EVI5: variants seen among roughly 807,000 people sequenced by gnomAD.
The protein encoded by EVI5 is ecotropic viral integration site 5, also known as ecotropic viral integration site 5 protein homolog.
Under a neutral mutation model 112.0 loss-of-function variants are expected in EVI5, and 73 were observed. That is an observed-to-expected ratio of 0.65 (90% CI 0.54 to 0.79). The LOEUF is 0.79. Ranked by LOEUF, EVI5 falls within the 30% of genes least tolerant of loss-of-function variation. The pLI is 0.00. For synonymous variants in EVI5, 305 were observed against 319.9 expected, an observed-to-expected ratio of 0.95 and a Z score of 0.50; for missense variants, 900 against 968.8, an observed-to-expected ratio of 0.93 and a Z score of 0.94.
intron 2 of EVI5, among the ~76,000 whole-genome samples, chr1:92,728,072 C>T (rs1423661953): frequency 6.7e-6 from 1 of 150,342 alleles, no homozygotes; most frequent in African/African-American, 2.4e-5. Context: ...GATGTTAACA[C>T]TATTCAAAAG....
At chr1:92,626,485 T>C (rs867410553) in intron 14 of EVI5, among the ~76,000 whole-genome samples, 1 of 152,208 alleles carries the variant, frequency 6.6e-6, no homozygotes, top group African/African-American at 2.4e-5. Context: ...GCTATGAACA[T>C]TGGTGCAAAA....
intron 2 of EVI5, among the ~76,000 whole-genome samples, chr1:92,730,001 T>C (rs2102760936): frequency 6.6e-6 from 1 of 152,026 alleles, no homozygotes; most frequent in Non-Finnish European, 1.5e-5. Context: ...TTAATGATCA[T>C]TTCAGTAGAG....
chr1:92,534,411 AAAT>A (rs1663446807), intron 19 of EVI5, among the ~76,000 whole-genome samples: 1 of 152,226 alleles, frequency 6.6e-6, no homozygotes, highest in African/African-American at 2.4e-5. Context: ...GACTTTCTTC[AAAT>A]AATTGGAAAA....
At chr1:92,781,230 G>C (rs1211821046) in intron 1 of EVI5, among the ~76,000 whole-genome samples, 1 of 152,050 alleles carries the variant, frequency 6.6e-6, no homozygotes, top group African/African-American at 2.4e-5. Flanking sequence ...GTAGGGGATG[G>C]GTACAGTGGC....
Position 92,606,918 on chromosome 1 carries a change from ACACACCCC to A in EVI5, c.1974+655_1974+662del, listed in dbSNP as rs775034985. On this transcript the variant is annotated intron_variant, in intron 17 of 19. Transcript: ENST00000684568. ...CACACACACACACACACACACACAC[ACACACCCC>A]CCCAAACCCTCCCTCCTCTCCTTCC... Among the ~76,000 whole-genome samples, 430 of 101,904 alleles carry A rather than the reference ACACACCCC, an allele frequency of 4.2e-3. 2 individuals are homozygous for A. The highest frequency in any genetic ancestry group is 5.6e-3 in the African/African-American group (166 of 29,828). 66.9% of individuals were successfully genotyped at this position (101,904 alleles called of 152,430 possible).
intron 13 of EVI5, among the ~76,000 whole-genome samples, chr1:92,638,342 C>T (rs1013369325): frequency 1.3e-5 from 2 of 152,096 alleles, no homozygotes; most frequent in South Asian, 4.1e-4. Context: ...GCTTTTTATA[C>T]TCTAAAACAT....
intron 1 of EVI5, among the ~76,000 whole-genome samples, chr1:92,748,867 C>A (rs1454418644): frequency 6.6e-6 from 1 of 151,846 alleles, no homozygotes; most frequent in Non-Finnish European, 1.5e-5. Flanking sequence ...GGGAGTTTGA[C>A]ACCAGCCTGA....
rs563615943 is a variant in EVI5, at chr1:92,767,136, G to T, written c.-82+17700C>A. On this transcript the variant is annotated intron_variant, in intron 1 of 19. Coordinates refer to ENST00000684568, the MANE Select transcript of EVI5 (RefSeq NM_001350197.2). Reference sequence around the variant, plus strand: ...ATCAATTCTAAATTATATGCCATCTGCCCTGTTCCACCTGGGACATGAACC... The same window carrying T: ...ATCAATTCTAAATTATATGCCATCTTCCCTGTTCCACCTGGGACATGAACC... Among the ~76,000 whole-genome samples, 271 of 150,268 alleles carry T rather than the reference G, an allele frequency of 1.8e-3. 1 individual carries two copies. The highest frequency in any genetic ancestry group is 3.3e-3 in the Non-Finnish European group (227 of 67,840).
intron 18 of EVI5, among the ~76,000 whole-genome samples, chr1:92,571,087 A>C (rs891299150): frequency 6.6e-6 from 1 of 151,734 alleles, no homozygotes; most frequent in Non-Finnish European, 1.5e-5. Context: ...AATTTAATAA[A>C]GCTTAATGTT....
At chr1:92,553,421 G>A (rs1172793515) in intron 19 of EVI5, among the ~76,000 whole-genome samples, 5 of 149,752 alleles carry the variant, frequency 3.3e-5, no homozygotes, top group African/African-American at 1.2e-4. Context: ...TCCTGCCTCA[G>A]CCTCTCCAGT....
intron 18 of EVI5, among the ~76,000 whole-genome samples, chr1:92,599,941 T>G (rs1326927233): frequency 6.6e-6 from 1 of 152,088 alleles, no homozygotes; most frequent in Non-Finnish European, 1.5e-5. Flanking sequence ...GTCAATGAAA[T>G]TTCTATGTTT....
intron 13 of EVI5, among the ~76,000 whole-genome samples, chr1:92,636,720 A>G (rs1354415010): frequency 6.6e-6 from 1 of 152,234 alleles, no homozygotes; most frequent in Non-Finnish European, 1.5e-5. Context: ...TGAACACTTG[A>G]AATGTGGCTA....
At chr1:92,527,195 A>C (rs1662024619) in intron 19 of EVI5, among the ~76,000 whole-genome samples, 1 of 152,054 alleles carries the variant, frequency 6.6e-6, no homozygotes, top group Non-Finnish European at 1.5e-5. Flanking sequence ...CAGGTGGATC[A>C]CTTGAAGTCA....
chr1:92,534,146 CAGAG>C (rs1419051585), intron 19 of EVI5, among the ~76,000 whole-genome samples: 3 of 152,106 alleles, frequency 2.0e-5, no homozygotes, highest in African/African-American at 7.2e-5. Context: ...AACAGACAAA[CAGAG>C]AGCCAAATCA....
chr1:92,645,462 C>T (rs1660761363), intron 13 of EVI5, among the ~76,000 whole-genome samples: 1 of 151,844 alleles, frequency 6.6e-6, no homozygotes, highest in Non-Finnish European at 1.5e-5. Flanking sequence ...GGGAAAGTCA[C>T]TGTCATTAGC....
intron 1 of EVI5, among the ~76,000 whole-genome samples, chr1:92,782,529 A>C (rs554273044): frequency 6.6e-6 from 1 of 152,338 alleles, no homozygotes; most frequent in Non-Finnish European, 1.5e-5. Flanking sequence ...CCTCAGTACC[A>C]GGAAAATGCA....
At chr1:92,585,194 G>C (rs968796603) in intron 18 of EVI5, among the ~76,000 whole-genome samples, 1 of 144,696 alleles carries the variant, frequency 6.9e-6, no homozygotes, top group Non-Finnish European at 1.5e-5. Context: ...TTGCACTCTA[G>C]CCTAAGAGAC....
intron 1 of EVI5, among the ~76,000 whole-genome samples, chr1:92,783,253 C>T (rs1290028064): frequency 2.6e-5 from 4 of 151,922 alleles, no homozygotes; most frequent in Non-Finnish European, 5.9e-5. Flanking sequence ...GGGCCAGGTG[C>T]GCTGGCTCAC....
intron 1 of EVI5, among the ~76,000 whole-genome samples, chr1:92,742,760 T>A (rs1442377050): frequency 6.6e-6 from 1 of 152,188 alleles, no homozygotes; most frequent in Non-Finnish European, 1.5e-5. Context: ...TGATGGCTAT[T>A]ATCAAAAAGG....
Sources: allele counts gnomAD v4.1 joint callset (sites outside exome capture counted in the v4.1 genomes callset), GRCh38; gene constraint gnomAD v4.1.1; transcripts MANE v1.5; gene names NCBI Gene and HGNC (gene_info 2026-07-23, HGNC 2026-07-21).